BTBD10: variants seen among roughly 807,000 people sequenced by gnomAD.
BTBD10 encodes the protein BTB domain containing 10.
BTBD10 carries 21 observed loss-of-function variants against 53.2 expected under a neutral mutation model. That is an observed-to-expected ratio of 0.39 (90% CI 0.28 to 0.57). The LOEUF is 0.57. Ranked by LOEUF, BTBD10 falls within the 20% of genes least tolerant of loss-of-function variation. BTBD10 has a pLI of 0.53. For missense variants in BTBD10, 360 were observed against 594.7 expected, an observed-to-expected ratio of 0.61 and a Z score of 4.10; for synonymous variants, 149 against 192.7, an observed-to-expected ratio of 0.77 and a Z score of 1.88.
At chr11:13,415,848 G>A (rs567808903) in intron 5 of BTBD10, among the ~76,000 whole-genome samples, 1 of 151,478 alleles carries the variant, frequency 6.6e-6, no homozygotes, top group Non-Finnish European at 1.5e-5. Flanking sequence ...TAGAGATGGG[G>A]TTTTGCCATG....
intron 2 of BTBD10, among the ~76,000 whole-genome samples, chr11:13,433,736 T>A (rs974483650): frequency 2.0e-5 from 3 of 152,134 alleles, no homozygotes; most frequent in Admixed American, 6.6e-5. Context: ...AGTTGAGTGG[T>A]TAGGACAGAG....
At chr11:13,398,493 T>TCCAATTTG (rs1446180110) in intron 8 of BTBD10, among the ~76,000 whole-genome samples, 1 of 152,218 alleles carries the variant, frequency 6.6e-6, no homozygotes, top group Non-Finnish European at 1.5e-5. Flanking sequence ...TGACTCTTTA[T>TCCAATTTG]CCAATTTGCC....
chr11:13,393,160 CA>C, intron 8 of BTBD10, among the ~76,000 whole-genome samples: 1 of 152,222 alleles, frequency 6.6e-6, no homozygotes, highest in Admixed American at 6.5e-5. Context: ...GCAATAAACC[CA>C]AAAAGCCTGC....
intron 2 of BTBD10, among the ~76,000 whole-genome samples, chr11:13,443,131 G>A (rs1417325384): frequency 1.3e-5 from 2 of 152,000 alleles, no homozygotes; most frequent in African/African-American, 4.8e-5. Context: ...GTGCATGCCT[G>A]TAGTCCTAGG....
intron 1 of BTBD10, among the ~76,000 whole-genome samples, chr11:13,446,363 C>T (rs563692485): frequency 2.0e-4 from 30 of 152,030 alleles, no homozygotes; most frequent in Non-Finnish European, 4.0e-4. Context: ...ACAAAGAATG[C>T]CAAAGATAAA....
chr11:13,421,821 G>C lies in BTBD10; in HGVS notation c.119C>G (p.Ala40Gly). Reference protein sequence around the residue: ...YKHSSTSSRIAKGGVDHTKMS... With the variant: ...YKHSSTSSRIGKGGVDHTKMS... ...TTTGGTGTGGTCAACTCCTCCTTTA[G>C]CAATACGCGAGGAAGTACTGATAAG... is the stretch of plus-strand genomic sequence containing the variant. Residue 40 changes from alanine (A) to glycine (G), a missense_variant, in exon 3 of 9, where the codon GCT becomes GGT. Physicochemically the swap from Ala to Gly is moderately conservative, Grantham distance 60. Transcript: ENST00000278174. The C allele has an allele frequency of 1.2e-6, 2 of 1,612,314 alleles. No homozygotes were observed. Among genetic ancestry groups the C allele is most frequent in the Non-Finnish European group, 1.7e-6 (2 of 1,179,024 alleles).
chr11:13,389,804 T>C (rs1273171334), intron 8 of BTBD10, among the ~76,000 whole-genome samples: 2 of 152,238 alleles, frequency 1.3e-5, no homozygotes, highest in East Asian at 3.8e-4. Context: ...CCTGCTAGTT[T>C]CCTTAAACCT....
chr11:13,404,302 AT>A (rs1949771888), intron 7 of BTBD10, among the ~76,000 whole-genome samples: 2 of 152,296 alleles, frequency 1.3e-5, no homozygotes, highest in African/African-American at 2.4e-5. Context: ...AAAATAATAC[AT>A]ATTTAGACCA....
intron 8 of BTBD10, among the ~76,000 whole-genome samples, chr11:13,391,785 A>C (rs1308204774): frequency 1.3e-5 from 2 of 152,234 alleles, no homozygotes; most frequent in Non-Finnish European, 2.9e-5. Context: ...CTCTACTAAA[A>C]ATACAAAAAT....
intron 2 of BTBD10, among the ~76,000 whole-genome samples, chr11:13,435,869 T>C (rs886739614): frequency 2.6e-5 from 4 of 152,192 alleles, no homozygotes; most frequent in Non-Finnish European, 5.9e-5. Flanking sequence ...CACAACCTTT[T>C]TCTATTAAAT....
Position 13,436,910 on chromosome 11 carries a change from A to G in BTBD10, c.101+8114T>C, listed in dbSNP as rs1320484030. The stretch of plus-strand genomic sequence containing the variant: ...AATTCTCGTGCCTCAGCCTCTCAAC[A>G]TAGCTGGGATTACAGGCGTGCACCA... On this transcript the variant is annotated intron_variant, in intron 2 of 8. Coordinates refer to ENST00000278174, the MANE Select transcript of BTBD10 (RefSeq NM_032320.7). 3.9e-5 allele frequency among the ~76,000 whole-genome samples: 6 copies of G among 151,982 alleles called. No individual in the cohort carries two copies. In the East Asian group the frequency reaches 1.2e-3, roughly 29 times the overall value.
intron 2 of BTBD10, among the ~76,000 whole-genome samples, chr11:13,428,065 A>G (rs1950377379): frequency 6.6e-6 from 1 of 152,130 alleles, no homozygotes; most frequent in Admixed American, 6.5e-5. Flanking sequence ...AGTCAATAAA[A>G]TTGTTAAACC....
At chr11:13,456,902 T>C (rs1489846017) in intron 1 of BTBD10, among the ~76,000 whole-genome samples, 1 of 152,166 alleles carries the variant, frequency 6.6e-6, no homozygotes, top group Non-Finnish European at 1.5e-5. Context: ...GACTCACGCC[T>C]ATAATCCTAG....
chr11:13,420,071 C>A (rs1213999744), intron 3 of BTBD10, among the ~76,000 whole-genome samples: 1 of 152,020 alleles, frequency 6.6e-6, no homozygotes, highest in Admixed American at 6.5e-5. Flanking sequence ...ACCCAAGGAA[C>A]CGAATATTCT....
chr11:13,426,295 G>C (rs1335175208), intron 2 of BTBD10, among the ~76,000 whole-genome samples: 6 of 151,782 alleles, frequency 4.0e-5, no homozygotes. Flanking sequence ...AAATAAGAAA[G>C]TACAGACATT....
intron 8 of BTBD10, among the ~76,000 whole-genome samples, 163 bp from the exon 9 acceptor site, chr11:13,389,304 A>G (rs1467956636): frequency 6.6e-6 from 1 of 152,252 alleles, no homozygotes; most frequent in East Asian, 1.9e-4. Context: ...TGAGCCAGAC[A>G]TGAAAACCCT....
intron 2 of BTBD10, 104 bp from the exon 3 acceptor site, chr11:13,421,942 A>G: frequency 1.2e-6 from 1 of 842,752 alleles, no homozygotes; most frequent in Non-Finnish European, 1.7e-6. Context: ...TTGAAGTGCA[A>G]AAATCAAATG....
chr11:13,397,355 G>C (rs1228238866), intron 8 of BTBD10, among the ~76,000 whole-genome samples: 9 of 152,132 alleles, frequency 5.9e-5, no homozygotes, highest in South Asian at 2.1e-4. Context: ...TTCTCTGATG[G>C]TAGTTTGTAT....
chr11:13,411,814 C>A (rs1949954394), intron 6 of BTBD10, among the ~76,000 whole-genome samples: 1 of 151,718 alleles, frequency 6.6e-6, no homozygotes, highest in Non-Finnish European at 1.5e-5. Context: ...ATCTATAATG[C>A]TCATGGTTTC....
Sources: allele counts gnomAD v4.1 joint callset (sites outside exome capture counted in the v4.1 genomes callset), GRCh38; gene constraint gnomAD v4.1.1; transcripts MANE v1.5; gene names NCBI Gene and HGNC (gene_info 2026-07-23, HGNC 2026-07-21).